Variants in GRIP1 observed in about 807,000 individuals in gnomAD.
GRIP1 encodes the protein glutamate receptor-interacting protein 1.
In GRIP1, 45 loss-of-function variants were observed where a neutral mutation model predicts 129.9. The ratio of observed to expected loss-of-function variants is 0.35; its 90% CI spans 0.27 to 0.44. The LOEUF is 0.44. GRIP1 is among the 20% of genes least tolerant of loss of function. GRIP1 has a pLI of 1.00. For synonymous variants in GRIP1, 530 were observed against 520.8 expected, an observed-to-expected ratio of 1.02 and a Z score of -0.24; for missense variants, 1,196 against 1,396.8, an observed-to-expected ratio of 0.86 and a Z score of 2.29.
Position 66,465,239 on chromosome 12 carries a change from C to T in GRIP1, c.872+36G>A, listed in dbSNP as rs780805459. On this transcript the variant is annotated intron_variant, in intron 8 of 24. Transcript: ENST00000359742. Reference sequence around the variant, plus strand: ...GGGATTACAGGCGTGAGCCACTGCGCCTGGCGGAAAAGTAGGCACTTTCTA... The same window carrying T: ...GGGATTACAGGCGTGAGCCACTGCGTCTGGCGGAAAAGTAGGCACTTTCTA... 4.6e-5 allele frequency: 74 copies of T among 1,600,154 alleles called. 1 individual carries two copies. In the South Asian group the frequency reaches 7.8e-4, roughly 17 times the overall value.
chr12:66,557,372 A>G (rs1366152935), intron 2 of GRIP1, among the ~76,000 whole-genome samples: 1 of 152,188 alleles, frequency 6.6e-6, no homozygotes, highest in Non-Finnish European at 1.5e-5. Flanking sequence ...ACTCAATACA[A>G]TAATAGCTGG....
chr12:66,919,568 T>C (rs2041180621), intron 1 of GRIP1, among the ~76,000 whole-genome samples: 1 of 152,182 alleles, frequency 6.6e-6, no homozygotes, highest in Non-Finnish European at 1.5e-5. Context: ...TATTTTTGGC[T>C]TACATAAATA....
intron 1 of GRIP1, among the ~76,000 whole-genome samples, chr12:66,893,427 G>A (rs899162332): frequency 6.6e-6 from 1 of 151,964 alleles, no homozygotes; most frequent in Non-Finnish European, 1.5e-5. Flanking sequence ...TGCTAGAGAT[G>A]GGGTCTCACC....
Position 66,528,134 on chromosome 12 carries a change from G to GTTTTTTTTTTTTTTTT in GRIP1, c.502+1681_502+1696dup, listed in dbSNP as rs59443918. ...TAGAATTATACTTTAGAATTAGTAG[G>GTTTTTTTTTTTTTTTT]TTTTTTTTTTTTTTTTTTGAGATGG... is the stretch of plus-strand genomic sequence containing the variant. On this transcript the variant is annotated intron_variant, in intron 5 of 24. Transcript: ENST00000359742. Among the ~76,000 whole-genome samples, 24 of 99,206 alleles carry GTTTTTTTTTTTTTTTT rather than the reference G, an allele frequency of 2.4e-4. 1 individual carries two copies. The highest frequency in any genetic ancestry group is 5.2e-4 in the African/African-American group (11 of 21,118). 65.1% of individuals were successfully genotyped at this position (99,206 alleles called of 152,430 possible). A position where few individuals can be genotyped will look rare whatever the true frequency, so the allele number is the denominator to read the frequency against.
chr12:66,786,067 A>C (rs1163544693), intron 1 of GRIP1, among the ~76,000 whole-genome samples: 2 of 152,210 alleles, frequency 1.3e-5, no homozygotes, highest in African/African-American at 4.8e-5. Context: ...TGGGTGACAA[A>C]GCAAGATCCT....
chr12:66,749,249 TA>T (rs1489241027), intron 1 of GRIP1, among the ~76,000 whole-genome samples: 1 of 152,210 alleles, frequency 6.6e-6, no homozygotes, highest in Non-Finnish European at 1.5e-5. Context: ...GGACAACATC[TA>T]ACACCAACTG....
intron 1 of GRIP1, among the ~76,000 whole-genome samples, chr12:66,790,334 G>C (rs996654606): frequency 9.9e-5 from 15 of 152,080 alleles, no homozygotes; most frequent in African/African-American, 3.4e-4. Flanking sequence ...GACAGGAACA[G>C]AATACTTTAC....
intron 1 of GRIP1, among the ~76,000 whole-genome samples, chr12:66,613,856 A>G (rs1280572681): frequency 6.6e-6 from 1 of 152,190 alleles, no homozygotes; most frequent in Non-Finnish European, 1.5e-5. Context: ...GGAGTTTAAA[A>G]CACTTAAAAC....
chr12:66,809,714 C>A (rs1357693003), intron 1 of GRIP1, among the ~76,000 whole-genome samples: 1 of 150,912 alleles, frequency 6.6e-6, no homozygotes, highest in Non-Finnish European at 1.5e-5. Context: ...GGCTGGAGTC[C>A]AGTGGTGCAA....
At chr12:66,831,701 C>T (rs1172174708) in intron 1 of GRIP1, among the ~76,000 whole-genome samples, 1 of 152,146 alleles carries the variant, frequency 6.6e-6, no homozygotes, top group Non-Finnish European at 1.5e-5. Flanking sequence ...ATAGTATGCT[C>T]TTTCTAGATT....
intron 2 of GRIP1, among the ~76,000 whole-genome samples, chr12:66,563,372 G>A (rs2062609623): frequency 1.3e-5 from 2 of 152,034 alleles, no homozygotes; most frequent in Non-Finnish European, 2.9e-5. Context: ...CAATCATCTT[G>A]TTTTCAAAAC....
chr12:66,472,713 G>A (rs1233671874), intron 7 of GRIP1, among the ~76,000 whole-genome samples: 1 of 152,124 alleles, frequency 6.6e-6, no homozygotes, highest in African/African-American at 2.4e-5. Flanking sequence ...CACCCAGGAA[G>A]CACAAGGGGT....
chr12:66,839,744 C>T lies in GRIP1; in HGVS notation c.58+229306G>A, dbSNP rs532389721. Among the ~76,000 whole-genome samples, 121 of 152,278 alleles carry T rather than the reference C, an allele frequency of 7.9e-4. 3 individuals are homozygous for T. The Middle Eastern group carries it at 0.017, about 21-fold the overall frequency. On this transcript the variant is annotated intron_variant, in intron 1 of 1. Coordinates refer to the GRIP1 transcript ENST00000643019. Reference sequence around the variant, plus strand: ...ACATCTTATTTATGAGAACAGGTATCCTACCTGGTCAGTCTGGGAGGGTGG... The same window carrying T: ...ACATCTTATTTATGAGAACAGGTATTCTACCTGGTCAGTCTGGGAGGGTGG...
intron 1 of GRIP1, among the ~76,000 whole-genome samples, chr12:66,742,554 A>T (rs963073894): frequency 3.3e-5 from 5 of 152,224 alleles, no homozygotes; most frequent in African/African-American, 1.2e-4. Flanking sequence ...AGGAAGTGAT[A>T]AACAGATTTA....
At chr12:66,888,968 C>T (rs931141312) in intron 1 of GRIP1, among the ~76,000 whole-genome samples, 1 of 152,074 alleles carries the variant, frequency 6.6e-6, no homozygotes, top group Non-Finnish European at 1.5e-5. Flanking sequence ...CATAATGGGA[C>T]ATTAATAAAG....
chr12:66,396,311 G>A (rs935943131), intron 16 of GRIP1, among the ~76,000 whole-genome samples: 1 of 152,144 alleles, frequency 6.6e-6, no homozygotes, highest in Non-Finnish European at 1.5e-5. Context: ...AGTTGCCCAG[G>A]ACCTGGAGAC....
chr12:66,355,605 G>C (rs1183834915), intron 23 of GRIP1, among the ~76,000 whole-genome samples: 1 of 152,100 alleles, frequency 6.6e-6, no homozygotes, highest in East Asian at 1.9e-4. Flanking sequence ...TGATGCTTAG[G>C]GAGAAGTGGT....
chr12:66,715,528 C>A (rs149629470), intron 1 of GRIP1, among the ~76,000 whole-genome samples: 62 of 146,704 alleles, frequency 4.2e-4, no homozygotes, highest in Non-Finnish European at 7.7e-4. Context: ...ACTGTCTCCC[C>A]TCTAGATTAA....
intron 5 of GRIP1, among the ~76,000 whole-genome samples, chr12:66,526,515 T>C (rs1048263900): frequency 3.3e-5 from 5 of 152,038 alleles, no homozygotes; most frequent in African/African-American, 9.7e-5. Context: ...TTACACCTTA[T>C]ACAAAAATTA....
Sources: allele counts gnomAD v4.1 joint callset (sites outside exome capture counted in the v4.1 genomes callset), GRCh38; gene constraint gnomAD v4.1.1; transcripts MANE v1.5; gene names NCBI Gene and HGNC (gene_info 2026-07-23, HGNC 2026-07-21).